Variants in TMTC3 observed in about 807,000 individuals in gnomAD.
The protein encoded by TMTC3 is protein O-mannosyl-transferase TMTC3.
TMTC3 carries 52 observed loss-of-function variants against 92.2 expected under a neutral mutation model. That is an observed-to-expected ratio of 0.56 (90% CI 0.45 to 0.71). The LOEUF (loss-of-function observed/expected upper bound fraction) is 0.71. Among genes scored for constraint, TMTC3 ranks in the 30% least tolerant of loss-of-function variants. TMTC3 has a pLI of 0.00. For missense variants in TMTC3, 896 were observed against 1,057.1 expected (o/e 0.85, Z 2.11); for synonymous variants, 339 against 363.3 (o/e 0.93, Z 0.76).
intron 10 of TMTC3, among the ~76,000 whole-genome samples, chr12:88,186,065 T>A (rs2041374525): frequency 6.6e-6 from 1 of 152,174 alleles, no homozygotes; most frequent in South Asian, 2.1e-4. Context: ...AAACTCTACA[T>A]AATTGCCTAA....
chr12:88,192,748 A>G lies in TMTC3; in HGVS notation c.1851A>G (p.Leu617=), dbSNP rs201531208. The G allele has an allele frequency of 8.7e-6, 14 of 1,613,498 alleles. No individual in the cohort carries two copies. In the African/African-American group the frequency reaches 1.7e-4, roughly 20 times the overall value. Residue 617 remains leucine, a synonymous_variant, in exon 13 of 14, where the codon CTA becomes CTG. Coordinates refer to ENST00000266712, the MANE Select transcript of TMTC3 (RefSeq NM_181783.4). The stretch of plus-strand genomic sequence containing the variant: ...AACTTAAAGAACCAAATGAAGCCCT[A>G]AAAAACTTTAATCGTGCTCTGGAAC... ...HIELKEPNEA[L]KNFNRALELN...
Position 88,160,784 on chromosome 12 carries a change from T to A in TMTC3, c.730T>A (p.Phe244Ile). The A allele has an allele frequency of 6.2e-7, 1 of 1,613,630 alleles. No homozygotes were observed. The highest frequency in any genetic ancestry group is 8.5e-7 in the Non-Finnish European group (1 of 1,179,728). ...ACTAGTAAAACTCATTGTCTTGATG[T>A]TCAGTACATTATTACTTGTTGTGAT... ...QTLVKLIVLMFSTLLLVVIRV... is the reference protein window; with the variant it reads ...QTLVKLIVLMISTLLLVVIRV... The change falls in exon 6 of 14, where the codon TTC becomes ATC. Residue 244 changes from phenylalanine to isoleucine, a missense_variant. Physicochemically the swap from Phe to Ile is conservative, Grantham distance 21. Coordinates refer to ENST00000266712, the MANE Select transcript of TMTC3 (RefSeq NM_181783.4).
At chr12:88,170,108 C>T (rs777027684) in intron 7 of TMTC3, among the ~76,000 whole-genome samples, 2 of 152,144 alleles carry the variant, frequency 1.3e-5, no homozygotes, top group Non-Finnish European at 2.9e-5. Context: ...AAGGAAATTA[C>T]AAGAGAGTGA....
Position 88,194,830 on chromosome 12 carries a change from CT to C in TMTC3, c.1934-5del, listed in dbSNP as rs760799499. On this transcript the variant is annotated splice_region_variant and splice_polypyrimidine_tract_variant and intron_variant, in intron 13 of 13. Transcript: ENST00000266712. ...ACAATATATTTTTTCTTTAAAAAAA[CT>C]TTCTAGGTGAGGTTAAACTCAGACC... 1.3e-6 allele frequency: 2 copies of C among 1,490,920 alleles called. No homozygotes were observed. Among genetic ancestry groups the C allele is most frequent in the Admixed American group, 2.3e-5 (1 of 42,560 alleles). 92.4% of individuals were successfully genotyped at this position (1,490,920 alleles called of 1,614,324 possible).
intron 12 of TMTC3, among the ~76,000 whole-genome samples, chr12:88,191,050 C>G (rs2041436575): frequency 6.8e-6 from 1 of 146,876 alleles, no homozygotes; most frequent in South Asian, 2.2e-4. Flanking sequence ...TGGTTCTCAG[C>G]AAAAAAAAAA....
Position 88,153,431 on chromosome 12 carries a change from A to T in TMTC3, c.330A>T (p.Val110=), listed in dbSNP as rs141872788. The part of the protein sequence containing the change: ...HAVVSVIFLK[V]CKLFLDNKSS... ...TGGTTAGTGTGATATTTCTCAAAGT[A>T]TGCAAACTTTTTCTGGACAACAAGA... Residue 110 remains valine, a synonymous_variant, in exon 3 of 14, where the codon GTA becomes GTT. Coordinates refer to ENST00000266712, the MANE Select transcript of TMTC3 (RefSeq NM_181783.4). 9.5e-5 allele frequency: 153 copies of T among 1,613,594 alleles called. No individual in the cohort carries two copies. Among genetic ancestry groups the T allele is most frequent in the Middle Eastern group, 1.6e-4 (1 of 6,068 alleles).
intron 1 of TMTC3, among the ~76,000 whole-genome samples, chr12:88,145,021 A>G (rs1233680663): frequency 6.6e-6 from 1 of 152,106 alleles, no homozygotes. Context: ...GAACAGTTTT[A>G]TCTGACCAAA....
rs573175332 is a variant in TMTC3, at chr12:88,195,754, A to G, written c.*105A>G. The G allele has an allele frequency of 1.9e-4, 167 of 871,770 alleles. 1 individual carries two copies. The East Asian group carries it at 4.3e-3, about 22-fold the overall frequency. The allele number at this position is 871,770 out of a possible 1,614,324, so 54.0% of individuals were successfully genotyped here. On this transcript the variant is annotated 3_prime_UTR_variant, in exon 14 of 14. Coordinates refer to ENST00000266712, the MANE Select transcript of TMTC3 (RefSeq NM_181783.4). ...AAAGTTCAAGGGTTCCTAATGGTCA[A>G]TCATGAGCTGCCTTGAAGTAGGATC...
At chr12:88,187,927 CT>C (rs1309416346) in intron 10 of TMTC3, among the ~76,000 whole-genome samples, 2 of 152,034 alleles carry the variant, frequency 1.3e-5, no homozygotes, top group Non-Finnish European at 2.9e-5. Context: ...GCAAGTATAT[CT>C]TTTTAAAAAG....
At chr12:88,164,778 G>T (rs1273162305) in intron 6 of TMTC3, among the ~76,000 whole-genome samples, 2 of 152,058 alleles carry the variant, frequency 1.3e-5, no homozygotes, top group East Asian at 3.9e-4. Context: ...CATTGCTGGC[G>T]CTGGGTAGAA....
chr12:88,189,836 G>A (rs938429293), intron 11 of TMTC3, among the ~76,000 whole-genome samples: 1 of 151,886 alleles, frequency 6.6e-6, no homozygotes, highest in Admixed American at 6.6e-5. Context: ...TATATGGATC[G>A]AGACTTCCAG....
Position 88,153,324 on chromosome 12 carries a change from G to C in TMTC3, c.223G>C (p.Val75Leu). The change falls in exon 3 of 14, where the codon GTA becomes CTA. Residue 75 changes from valine (V) to leucine (L), a missense_variant. Physicochemically the swap from Val to Leu is conservative, Grantham distance 32 (BLOSUM62 1). Coordinates refer to ENST00000266712, the MANE Select transcript of TMTC3 (RefSeq NM_181783.4). ...CCACAAGTCTTACCGTCCCTTAACA[G>C]TATTGACATTTCGCTTAAATTATTT... ...RSHKSYRPLTVLTFRLNYLLS... is the reference protein window; with the variant it reads ...RSHKSYRPLTLLTFRLNYLLS... The C allele has an allele frequency of 6.2e-7, 1 of 1,613,094 alleles. No homozygotes were observed. The highest frequency in any genetic ancestry group is 1.3e-5 in the African/African-American group (1 of 74,998).
At chr12:88,166,178 TAGCAAG>T (rs2041140793) in intron 6 of TMTC3, 146 bp from the exon 7 acceptor site, 19 of 732,266 alleles carry the variant, frequency 2.6e-5, no homozygotes, top group Non-Finnish European at 4.0e-5. Flanking sequence ...GTTTGAACTC[TAGCAAG>T]AGTCTGAGGT....
At chr12:88,176,150 A>G (rs749660586) in intron 9 of TMTC3, 58 bp from the exon 10 acceptor site, 31 of 1,128,522 alleles carry the variant, frequency 2.7e-5, no homozygotes, top group Non-Finnish European at 3.6e-5. Flanking sequence ...AAATATCTGT[A>G]TGAACTGGAG....
chr12:88,160,242 A>T lies in TMTC3; in HGVS notation c.624+13A>T. The T allele has an allele frequency of 7.2e-7, 1 of 1,398,046 alleles. No homozygotes were observed. Among genetic ancestry groups the T allele is most frequent in the South Asian group, 1.5e-5 (1 of 64,956 alleles). The allele number at this position is 1,398,046 out of a possible 1,614,324, so 86.6% of individuals were successfully genotyped here. A position where few individuals can be genotyped will look rare whatever the true frequency, so the allele number is the denominator to read the frequency against. The stretch of plus-strand genomic sequence containing the variant: ...TATTGCCCAGGGGGTAAGCCAAACT[A>T]TAAATATATAAATTTTCTTATTGAT... On this transcript the variant is annotated intron_variant, in intron 5 of 13. Transcript: ENST00000266712.
chr12:88,178,157 C>T (rs1651351866), intron 10 of TMTC3, among the ~76,000 whole-genome samples: 1 of 152,212 alleles, frequency 6.6e-6, no homozygotes, highest in African/African-American at 2.4e-5. Context: ...GAAAAGAACA[C>T]AGTCACCACT....
chr12:88,195,338 A>C lies in TMTC3; in HGVS notation c.2434A>C (p.Asn812His). The change falls in exon 14 of 14, where the codon AAT becomes CAT. Residue 812 changes from asparagine (N) to histidine (H), a missense_variant. Asn to His is a moderately conservative substitution (Grantham distance 68). Coordinates refer to ENST00000266712, the MANE Select transcript of TMTC3 (RefSeq NM_181783.4). ...PHEEYIQRHL[N>H]IVRDKISSSS... ...TGAAGAATATATTCAGCGCCATTTG[A>C]ATATAGTCAGGGATAAGATTTCCTC... 6.2e-7 allele frequency: 1 copy of C among 1,613,978 alleles called. No individual in the cohort carries two copies. The highest frequency in any genetic ancestry group is 1.1e-5 in the South Asian group (1 of 91,076).
intron 10 of TMTC3, among the ~76,000 whole-genome samples, chr12:88,181,568 G>C (rs1383694568): frequency 6.6e-6 from 1 of 152,102 alleles, no homozygotes; most frequent in East Asian, 1.9e-4. Context: ...GCAGTGAGCT[G>C]TGGGCTCGAG....
intron 10 of TMTC3, among the ~76,000 whole-genome samples, chr12:88,185,311 T>G (rs1050645652): frequency 6.6e-6 from 1 of 152,206 alleles, no homozygotes; most frequent in Non-Finnish European, 1.5e-5. Flanking sequence ...AAATTGTGTA[T>G]GAATGGAATT....
Sources: allele counts gnomAD v4.1 joint callset (sites outside exome capture counted in the v4.1 genomes callset), GRCh38; gene constraint gnomAD v4.1.1; transcripts MANE v1.5; gene names NCBI Gene and HGNC (gene_info 2026-07-23, HGNC 2026-07-21).